Variants in ABCC4 observed in about 807,000 individuals in gnomAD.
ABCC4 encodes ATP-binding cassette sub-family C member 4.
A neutral mutation model predicts 168.5 loss-of-function variants in ABCC4; 102 were observed. The ratio of observed to expected loss-of-function variants is 0.61; its 90% confidence interval spans 0.52 to 0.71. ABCC4 has a LOEUF of 0.71. ABCC4 is among the 30% of genes least tolerant of loss of function. The pLI is 0.00. For missense variants in ABCC4, 1,402 were observed against 1,605.8 expected (o/e 0.87, Z 2.17); for synonymous variants, 617 against 590.7 (o/e 1.04, Z -0.65).
At chr13:95,088,519 C>A (rs2034329460) in intron 20 of ABCC4, among the ~76,000 whole-genome samples, 1 of 152,026 alleles carries the variant, frequency 6.6e-6, no homozygotes. Context: ...AGATATTATA[C>A]AGAATATATT....
chr13:95,265,917 A>G (rs1037099305), intron 1 of ABCC4, among the ~76,000 whole-genome samples: 1 of 152,206 alleles, frequency 6.6e-6, no homozygotes, highest in Non-Finnish European at 1.5e-5. Context: ...TAAGGGGCCA[A>G]GATTACACAA....
chr13:95,084,156 G>A (rs2034186585), intron 20 of ABCC4, among the ~76,000 whole-genome samples: 1 of 152,176 alleles, frequency 6.6e-6, no homozygotes. Context: ...ATATCTGGCT[G>A]TATATTAAAT....
chr13:95,045,476 G>A (rs1285484891), intron 27 of ABCC4, among the ~76,000 whole-genome samples: 3 of 152,060 alleles, frequency 2.0e-5, no homozygotes, highest in Non-Finnish European at 2.9e-5. Flanking sequence ...TATAAAGTAG[G>A]TCAGTACATT....
At chr13:95,146,084 G>A (rs985495676) in intron 19 of ABCC4, among the ~76,000 whole-genome samples, 2 of 151,860 alleles carry the variant, frequency 1.3e-5, no homozygotes, top group South Asian at 2.1e-4. Flanking sequence ...GGTGATATGC[G>A]CTTGTAATTC....
intron 8 of ABCC4, among the ~76,000 whole-genome samples, chr13:95,197,729 TA>T (rs1411552147): frequency 6.6e-6 from 1 of 152,136 alleles, no homozygotes; most frequent in African/African-American, 2.4e-5. Context: ...TTGTGAACAA[TA>T]AAACCTCAGA....
chr13:95,180,065 GA>G (rs1172180578), intron 11 of ABCC4, among the ~76,000 whole-genome samples: 1 of 151,838 alleles, frequency 6.6e-6, no homozygotes, highest in Non-Finnish European at 1.5e-5. Context: ...TCACCAAATG[GA>G]AAAAAACAGT....
intron 29 of ABCC4, 76 bp from the exon 30 acceptor site, chr13:95,034,815 G>A (rs1473796952): frequency 1.3e-6 from 2 of 1,597,404 alleles, no homozygotes; most frequent in Non-Finnish European, 1.7e-6. Context: ...CAATATTTCG[G>A]AAAGGGGCAG....
At chr13:95,075,666 G>T in intron 21 of ABCC4, 115 bp from the exon 22 acceptor site, 1 of 1,383,768 alleles carries the variant, frequency 7.2e-7, no homozygotes, top group Non-Finnish European at 9.8e-7. Context: ...CTCCTAGGAG[G>T]CTTCATGTTT....
At chr13:95,022,188 G>A (rs761063862) in intron 30 of ABCC4, among the ~76,000 whole-genome samples, 2 of 152,140 alleles carry the variant, frequency 1.3e-5, no homozygotes, top group East Asian at 1.9e-4. Flanking sequence ...TAATTTGTGC[G>A]GCAAAGCAGT....
At chr13:95,095,984 T>A in intron 20 of ABCC4, 1 of 395,566 alleles carries the variant, frequency 2.5e-6, no homozygotes, top group Non-Finnish European at 4.5e-6. Context: ...TCAATAAACA[T>A]AAAAAGATGA....
At chr13:95,094,841 T>C (rs1333450968) in intron 20 of ABCC4, among the ~76,000 whole-genome samples, 1 of 151,548 alleles carries the variant, frequency 6.6e-6, no homozygotes, top group Non-Finnish European at 1.5e-5. Flanking sequence ...AAAAATCTCA[T>C]CAGAAAGTGG....
intron 19 of ABCC4, among the ~76,000 whole-genome samples, chr13:95,147,798 G>A (rs2036548205): frequency 6.6e-6 from 1 of 152,002 alleles, no homozygotes; most frequent in Non-Finnish European, 1.5e-5. Context: ...TTACACAATA[G>A]ACTTCTGTAC....
intron 30 of ABCC4, among the ~76,000 whole-genome samples, chr13:95,027,553 A>C (rs1381916053): frequency 6.6e-6 from 1 of 152,218 alleles, no homozygotes; most frequent in East Asian, 1.9e-4. Flanking sequence ...AGATGGAGAA[A>C]GTATCATTTA....
intron 29 of ABCC4, among the ~76,000 whole-genome samples, chr13:95,037,712 T>C (rs2032181862): frequency 6.6e-6 from 1 of 152,186 alleles, no homozygotes; most frequent in African/African-American, 2.4e-5. Context: ...CACCTTTTCA[T>C]TTGGATAATA....
At chr13:95,223,607 T>C (rs1053909777) in intron 4 of ABCC4, among the ~76,000 whole-genome samples, 2 of 152,198 alleles carry the variant, frequency 1.3e-5, no homozygotes, top group Non-Finnish European at 2.9e-5. Flanking sequence ...GTTCAAGCGA[T>C]TCTCCTGCCT....
chr13:95,149,372 C>T (rs973149627), intron 19 of ABCC4, among the ~76,000 whole-genome samples: 1 of 152,122 alleles, frequency 6.6e-6, no homozygotes, highest in African/African-American at 2.4e-5. Context: ...ACTCCCTTTT[C>T]ATTTTCATGC....
chr13:95,044,127 TCAGAATGA>T, intron 28 of ABCC4, 131 bp downstream of exon 28: 1 of 954,464 alleles, frequency 1.0e-6, no homozygotes, highest in African/African-American at 1.7e-5. Flanking sequence ...TCTTTTTTTT[TCAGAATGA>T]ATTTATCCAT....
intron 9 of ABCC4, among the ~76,000 whole-genome samples, chr13:95,189,159 A>G (rs1594264667): frequency 1.0e-5 from 1 of 99,920 alleles, no homozygotes; most frequent in Admixed American, 1.5e-4. Flanking sequence ...TTTGAGACGG[A>G]GTCTCGTTCT....
intron 4 of ABCC4, among the ~76,000 whole-genome samples, chr13:95,225,672 AAAATAAATAAAAT>A (rs2039443297): frequency 6.6e-6 from 1 of 152,204 alleles, no homozygotes. Flanking sequence ...TCTGTCTCAA[AAAATAAATAAAAT>A]AAATAAATAA....
Sources: gnomAD v4.1 joint callset for allele counts (sites outside exome capture counted in the v4.1 genomes callset) on GRCh38, gnomAD v4.1.1 for gene constraint, MANE v1.5 for transcripts, NCBI Gene and HGNC (gene_info 2026-07-23, HGNC 2026-07-21) for gene names.